CHST3: variants seen among roughly 807,000 people sequenced by gnomAD.
CHST3 encodes the protein carbohydrate sulfotransferase 3.
Under a neutral mutation model 35.4 loss-of-function variants are expected in CHST3, and 20 were observed. The observed-to-expected ratio is 0.57, with a 90% CI of 0.40 to 0.82. The LOEUF is 0.82. Among genes scored for constraint, CHST3 ranks in the 40% least tolerant of loss-of-function variants. The pLI is 0.00. For missense variants in CHST3, 693 were observed against 670.1 expected, an observed-to-expected ratio of 1.03 and a Z score of -0.38; for synonymous variants, 334 against 295.9, an observed-to-expected ratio of 1.13 and a Z score of -1.32.
At chr10:71,980,769 C>T (rs1839793179) in intron 1 of CHST3, among the ~76,000 whole-genome samples, 2 of 152,178 alleles carry the variant, frequency 1.3e-5, no homozygotes, top group African/African-American at 4.8e-5. Context: ...AGGGGATTTG[C>T]TTTATTGAAT....
chr10:72,008,675 T>TCACAC lies in CHST3; in HGVS notation c.*206_*210dup. 4 of 1,129,898 alleles carry TCACAC rather than the reference T, an allele frequency of 3.5e-6. No individual in the cohort carries two copies. In the South Asian group the frequency reaches 7.7e-5, roughly 22 times the overall value. 70.0% of individuals were successfully genotyped at this position (1,129,898 alleles called of 1,614,324 possible). A position where few individuals can be genotyped will look rare whatever the true frequency, so the allele number is the denominator to read the frequency against. On this transcript the variant is annotated 3_prime_UTR_variant, in exon 3 of 3. Coordinates refer to ENST00000373115, the MANE Select transcript of CHST3 (RefSeq NM_004273.5). ...CAGTGCCCGGTCCCCTTGAGGGCCA[T>TCACAC]CACACCCAGACCCAACGGGTTGCAG...
Position 72,008,680 on chromosome 10 carries a change from C to A in CHST3, c.*209C>A. On this transcript the variant is annotated 3_prime_UTR_variant, in exon 3 of 3. Transcript: ENST00000373115. ...CCCGGTCCCCTTGAGGGCCATCACA[C>A]CCAGACCCAACGGGTTGCAGCCTCC... 9.3e-7 allele frequency: 1 copy of A among 1,074,892 alleles called. No homozygotes were observed. Among genetic ancestry groups the A allele is most frequent in the Non-Finnish European group, 1.3e-6 (1 of 790,398 alleles). 66.6% of individuals were successfully genotyped at this position (1,074,892 alleles called of 1,614,324 possible). A position where few individuals can be genotyped will look rare whatever the true frequency, so the allele number is the denominator to read the frequency against.
At chr10:71,998,357 G>T (rs1314939168) in intron 1 of CHST3, among the ~76,000 whole-genome samples, 2 of 152,136 alleles carry the variant, frequency 1.3e-5, no homozygotes, top group African/African-American at 2.4e-5. Context: ...TCTATGTCCA[G>T]GTCGGTTCTG....
chr10:72,005,902 GA>G lies in CHST3; in HGVS notation c.61del (p.Arg21GlufsTer12). 1 of 1,614,252 alleles carries G rather than the reference GA, an allele frequency of 6.2e-7. No individual in the cohort carries two copies. Among genetic ancestry groups the G allele is most frequent in the East Asian group, 2.2e-5 (1 of 44,886 alleles). The stretch of plus-strand genomic sequence containing the variant: ...GGGACTTTGTGCACAGCCTGAAGAT[GA>G]GAAGCAAATACGCCCTTTTCTTGGT... ...CRDFVHSLKM[R>X]SKYALFLVFV... On this transcript the variant is annotated frameshift_variant, in exon 2 of 3. Coordinates refer to ENST00000373115, the MANE Select transcript of CHST3 (RefSeq NM_004273.5). LOFTEE classifies it high-confidence loss of function.
rs10554998 is a variant in CHST3 at position 71,977,448 on chromosome 10, A to ATTT, written c.-108+12771_-108+12773dup. 3.0e-3 allele frequency among the ~76,000 whole-genome samples: 391 copies of ATTT among 128,934 alleles called. 10 individuals carry two copies. The East Asian group carries it at 0.03, about 10-fold the overall frequency. The allele number at this position is 128,934 out of a possible 152,430, so 84.6% of individuals were successfully genotyped here. The stretch of plus-strand genomic sequence containing the variant: ...GTATATTCGGAGTCCCCTAAGCTCG[A>ATTT]TTTTTTTTTTTTTTTTTTTGAGACA... On this transcript the variant is annotated intron_variant, in intron 1 of 2. Transcript: ENST00000373115.
rs531281181 is a variant in CHST3 at position 71,964,657 on chromosome 10, G to A, written c.-145G>A. The A allele has an allele frequency of 4.5e-4, 68 of 152,082 alleles. No homozygotes were observed. The highest frequency in any genetic ancestry group is 1.6e-3 in the African/African-American group (67 of 41,542). The allele number at this position is 152,082 out of a possible 1,614,324, so 9.4% of individuals were successfully genotyped here. ...GCTGCCCGCGCCGGACCCCAGCCGC[G>A]GAGGGTCGGGGCCGCCGGTGGAGTC... is the stretch of plus-strand genomic sequence containing the variant. On this transcript the variant is annotated 5_prime_UTR_variant, in exon 1 of 3. Transcript: ENST00000373115.
chr10:71,988,283 G>T (rs911269902), intron 1 of CHST3, among the ~76,000 whole-genome samples: 2 of 152,198 alleles, frequency 1.3e-5, no homozygotes, highest in African/African-American at 4.8e-5. Context: ...TAAAGTAGGG[G>T]TAATAAGTAC....
At chr10:72,002,294 A>G (rs1840001566) in intron 1 of CHST3, among the ~76,000 whole-genome samples, 1 of 152,192 alleles carries the variant, frequency 6.6e-6, no homozygotes, top group African/African-American at 2.4e-5. Flanking sequence ...CAGCAACTTA[A>G]AAAAAGAAAT....
At chr10:71,994,039 G>T (rs1473072367) in intron 1 of CHST3, among the ~76,000 whole-genome samples, 2 of 152,042 alleles carry the variant, frequency 1.3e-5, no homozygotes, top group African/African-American at 4.8e-5. Flanking sequence ...GGCGGAGGTT[G>T]CAGTGAGCCG....
chr10:71,975,900 G>T (rs926943700), intron 1 of CHST3, among the ~76,000 whole-genome samples: 7 of 152,248 alleles, frequency 4.6e-5, no homozygotes, highest in Non-Finnish European at 8.8e-5. Context: ...TGCTTTCCAG[G>T]TGAGGACACT....
At chr10:71,986,494 G>T (rs184957617) in intron 1 of CHST3, among the ~76,000 whole-genome samples, 45 of 152,332 alleles carry the variant, frequency 3.0e-4, no homozygotes, top group African/African-American at 1.0e-3. Context: ...CGCAGCACTC[G>T]TATTTTCAAA....
chr10:71,998,001 T>C (rs1839957040), intron 1 of CHST3, among the ~76,000 whole-genome samples: 1 of 152,050 alleles, frequency 6.6e-6, no homozygotes, highest in African/African-American at 2.4e-5. Context: ...TAGCCAGGCG[T>C]AGTGGCACGT....
chr10:72,003,751 C>T (rs541816341), intron 1 of CHST3, among the ~76,000 whole-genome samples: 1 of 150,938 alleles, frequency 6.6e-6, no homozygotes, highest in South Asian at 2.1e-4. Context: ...GCTGTATTTG[C>T]TCTAGCTGTA....
rs1310612322 is a variant in CHST3, at chr10:71,973,121, G to A, written c.-108+8427G>A. Among the ~76,000 whole-genome samples the A allele has an allele frequency of 4.6e-5, 7 of 152,338 alleles. No individual in the cohort carries two copies. In the East Asian group the frequency reaches 1.2e-3, roughly 25 times the overall value. On this transcript the variant is annotated intron_variant, in intron 1 of 2. Transcript: ENST00000373115. ...GGATGCTTCTGTGAGGGAGCGCTTC[G>A]AGTCTGGGGAGGGTGGCAGGAGTCG...
chr10:72,007,672 A>G lies in CHST3; in HGVS notation c.641A>G (p.His214Arg). Residue 214 changes from histidine to arginine, a missense_variant, in exon 3 of 3, where the codon CAC becomes CGC. Coordinates refer to ENST00000373115, the MANE Select transcript of CHST3 (RefSeq NM_004273.5). ...EHFITPLPED[H>R]LTQFMFRRGS... ...TTCATCACGCCGCTGCCCGAGGACCACCTGACTCAGTTCATGTTCCGCCGG... is the reference window on the plus strand; with the variant it reads ...TTCATCACGCCGCTGCCCGAGGACCGCCTGACTCAGTTCATGTTCCGCCGG... The G allele has an allele frequency of 6.2e-7, 1 of 1,608,824 alleles. No individual in the cohort carries two copies. Among genetic ancestry groups the G allele is most frequent in the Non-Finnish European group, 8.5e-7 (1 of 1,179,480 alleles).
intron 1 of CHST3, among the ~76,000 whole-genome samples, chr10:71,976,106 C>T (rs4148923): frequency 0.1 from 15,564 of 152,170 alleles, 2,410 homozygotes; most frequent in African/African-American, 0.33. Context: ...CTGATTCATT[C>T]TGCAGTCACT....
chr10:71,991,356 T>C (rs115326419), intron 1 of CHST3, among the ~76,000 whole-genome samples: 480 of 152,384 alleles, frequency 3.1e-3, no homozygotes, highest in African/African-American at 0.011. Flanking sequence ...ACTGTCGTTC[T>C]GCCCTGCACG....
rs1180591567 is a variant in CHST3, at chr10:72,008,635, T to C, written c.*164T>C. 2 of 1,384,710 alleles carry C rather than the reference T, an allele frequency of 1.4e-6. No homozygotes were observed. The highest frequency in any genetic ancestry group is 9.5e-7 in the Non-Finnish European group (1 of 1,056,056). The allele number at this position is 1,384,710 out of a possible 1,614,324, so 85.8% of individuals were successfully genotyped here. On this transcript the variant is annotated 3_prime_UTR_variant, in exon 3 of 3. Coordinates refer to ENST00000373115, the MANE Select transcript of CHST3 (RefSeq NM_004273.5). ...GCCAAAGCGGCGGCCCCAGGGTTAATTGCGGAGAACAGGACAGTGCCCGGT... is the reference window on the plus strand; with the variant it reads ...GCCAAAGCGGCGGCCCCAGGGTTAACTGCGGAGAACAGGACAGTGCCCGGT...
At chr10:71,997,116 T>C (rs2131762264) in intron 1 of CHST3, among the ~76,000 whole-genome samples, 1 of 152,112 alleles carries the variant, frequency 6.6e-6, no homozygotes, top group East Asian at 1.9e-4. Flanking sequence ...TGGCACTAAG[T>C]ACATTCACAC....
Sources: allele counts gnomAD v4.1 joint callset (sites outside exome capture counted in the v4.1 genomes callset), GRCh38; gene constraint gnomAD v4.1.1; transcripts MANE v1.5; gene names NCBI Gene and HGNC (gene_info 2026-07-23, HGNC 2026-07-21).